The following CHI3L2 variants were observed in gnomAD, a reference collection of about 807,000 sequenced individuals.
The protein encoded by CHI3L2 is chitinase-3-like protein 2.
A neutral mutation model predicts 47.3 loss-of-function variants in CHI3L2; 47 were observed. The ratio of observed to expected loss-of-function variants is 0.99; its 90% confidence interval spans 0.79 to 1.27. The LOEUF (loss-of-function observed/expected upper bound fraction) is 1.27. Among genes scored for constraint, CHI3L2 ranks in the 50% most tolerant of loss-of-function variants. The pLI is 0.00. For synonymous variants in CHI3L2, 198 were observed against 169.9 expected, an observed-to-expected ratio of 1.17 and a Z score of -1.28; for missense variants, 497 against 462.1, an observed-to-expected ratio of 1.08 and a Z score of -0.69.
At chr1:111,227,909 G>C (rs58006689) in intron 1 of CHI3L2, 140 bp downstream of exon 1, 1 of 818,750 alleles carries the variant, frequency 1.2e-6, no homozygotes, top group Non-Finnish European at 2.0e-6. Context: ...TCAAGCCAAT[G>C]CAACTGTTGT....
intron 7 of CHI3L2, 88 bp downstream of exon 7, chr1:111,236,241 A>G: frequency 7.0e-7 from 1 of 1,422,618 alleles, no homozygotes; most frequent in Non-Finnish European, 9.6e-7. Flanking sequence ...TTCTGTCTTG[A>G]ACTGAGGAAG....
At chr1:111,232,950 C>T (rs1470581316) in intron 4 of CHI3L2, among the ~76,000 whole-genome samples, 1 of 152,160 alleles carries the variant, frequency 6.6e-6, no homozygotes, top group African/African-American at 2.4e-5. Flanking sequence ...AGATGAGATA[C>T]ATGCAGGAAT....
At chr1:111,242,033 T>A (rs1389236371) in intron 9 of CHI3L2, among the ~76,000 whole-genome samples, 194 bp from the exon 10 acceptor site, 1 of 152,156 alleles carries the variant, frequency 6.6e-6, no homozygotes, top group Non-Finnish European at 1.5e-5. Context: ...CAAGTCAGAA[T>A]GAGATGTAGC....
rs374967581 is a variant in CHI3L2, at chr1:111,238,788, A to G, written c.774A>G (p.Pro258=). 9 of 1,614,026 alleles carry G rather than the reference A, an allele frequency of 5.6e-6. No homozygotes were observed. In the African/African-American group the frequency reaches 1.2e-4, roughly 22 times the overall value. Residue 258 remains proline (P), a synonymous_variant, in exon 8 of 11, where the codon CCA becomes CCG. Coordinates refer to ENST00000369748, the MANE Select transcript of CHI3L2 (RefSeq NM_004000.3). ...AVGYWIHKGM[P]SEKVVMGIPT... Reference sequence around the variant, plus strand: ...GGTACTGGATACATAAGGGAATGCCATCAGAGAAGGTGGTCATGGGCATCC... The same window carrying G: ...GGTACTGGATACATAAGGGAATGCCGTCAGAGAAGGTGGTCATGGGCATCC...
chr1:111,232,516 G>A (rs989846257), intron 4 of CHI3L2, among the ~76,000 whole-genome samples: 10 of 152,116 alleles, frequency 6.6e-5, no homozygotes, highest in African/African-American at 9.7e-5. Flanking sequence ...TCTGTATGCC[G>A]CAGTTTTCTT....
chr1:111,228,406 TCTCAAGCCA>T (rs1411020038), intron 1 of CHI3L2, among the ~76,000 whole-genome samples: 1 of 152,192 alleles, frequency 6.6e-6, no homozygotes, highest in Non-Finnish European at 1.5e-5. Context: ...TGTCTTACCC[TCTCAAGCCA>T]TGAAGCCCCC....
At chr1:111,229,732 G>A (rs924986635) in intron 1 of CHI3L2, 120 bp from the exon 2 acceptor site, 17 of 1,415,930 alleles carry the variant, frequency 1.2e-5, no homozygotes, top group Non-Finnish European at 1.6e-5. Context: ...TGGCTGGGGA[G>A]CCCAGATGAA....
intron 8 of CHI3L2, 78 bp from the exon 9 acceptor site, chr1:111,241,249 C>T (rs1244364706): frequency 1.2e-6 from 1 of 813,436 alleles, no homozygotes; most frequent in African/African-American, 1.7e-5. Flanking sequence ...TCCCTAGTGG[C>T]TCACCTGCCC....
intron 1 of CHI3L2, among the ~76,000 whole-genome samples, chr1:111,229,414 G>A (rs1056429945): frequency 1.3e-4 from 20 of 152,094 alleles, no homozygotes; most frequent in African/African-American, 4.8e-4. Flanking sequence ...CGGGCGCGGT[G>A]GCTCACGCCT....
intron 7 of CHI3L2, among the ~76,000 whole-genome samples, chr1:111,237,609 T>C (rs1659922142): frequency 6.6e-6 from 1 of 152,212 alleles, no homozygotes; most frequent in African/African-American, 2.4e-5. Flanking sequence ...ATCAGTTATC[T>C]TTAAGGATAA....
chr1:111,237,355 G>A (rs746879670), intron 7 of CHI3L2, among the ~76,000 whole-genome samples: 1 of 152,246 alleles, frequency 6.6e-6, no homozygotes, highest in East Asian at 1.9e-4. Context: ...GATGGAGTCA[G>A]TTAGGTCAGA....
intron 8 of CHI3L2, 94 bp from the exon 9 acceptor site, chr1:111,241,233 C>G (rs767209921): frequency 2.6e-6 from 2 of 778,410 alleles, no homozygotes; most frequent in Non-Finnish European, 4.8e-6. Context: ...TGATATTTTC[C>G]CCAAGTCCCT....
rs770961252 is a variant in CHI3L2 at position 111,229,859 on chromosome 1, G to T, written c.48G>T (p.Val16=). The T allele has an allele frequency of 3.7e-5, 60 of 1,613,710 alleles. No homozygotes were observed. Among genetic ancestry groups the T allele is most frequent in the Non-Finnish European group, 5.0e-5 (59 of 1,179,920 alleles). Residue 16 remains valine (V), a synonymous_variant, in exon 2 of 11, where the codon GTG becomes GTT. Coordinates refer to ENST00000369748, the MANE Select transcript of CHI3L2 (RefSeq NM_004000.3). The part of the protein sequence containing the change: ...MDQKSLWAGV[V]VLLLLQGGSA... ...TCCACCCATCTATTGCAGGTGTAGT[G>T]GTCTTGCTGCTTCTCCAGGGAGGTA... is the stretch of plus-strand genomic sequence containing the variant.
intron 1 of CHI3L2, among the ~76,000 whole-genome samples, chr1:111,228,013 C>T (rs1246511645): frequency 1.3e-5 from 2 of 152,138 alleles, no homozygotes; most frequent in Non-Finnish European, 2.9e-5. Context: ...GTGCAGAGGT[C>T]CTTCTTGTCC....
chr1:111,240,033 G>A (rs1367741706), intron 8 of CHI3L2, among the ~76,000 whole-genome samples: 1 of 152,112 alleles, frequency 6.6e-6, no homozygotes, highest in Non-Finnish European at 1.5e-5. Context: ...ATGGTGTAGA[G>A]TGACATGAGA....
chr1:111,241,275 A>G, intron 8 of CHI3L2, 52 bp from the exon 9 acceptor site: 1 of 1,002,294 alleles, frequency 1.0e-6, no homozygotes, highest in Non-Finnish European at 1.6e-6. Flanking sequence ...ACCCCAACCA[A>G]GTTTCAAGAA....
intron 8 of CHI3L2, among the ~76,000 whole-genome samples, chr1:111,240,210 A>T (rs1432192604): frequency 6.6e-6 from 1 of 152,200 alleles, no homozygotes; most frequent in African/African-American, 2.4e-5. Context: ...TGAACATGCC[A>T]TCGGCCCATG....
At chr1:111,241,239 T>C (rs1660044648) in intron 8 of CHI3L2, 88 bp from the exon 9 acceptor site, 3 of 785,342 alleles carry the variant, frequency 3.8e-6, no homozygotes, top group Non-Finnish European at 7.0e-6. Flanking sequence ...TTTCCCCAAG[T>C]CCCTAGTGGC....
At position 111,231,188 on chromosome 1, in the gene CHI3L2, G is replaced by C. The variant is rs141383486; in HGVS notation, c.273-50G>C. ...TAAGAACTCTGTTCTTTAGACAAAG[G>C]CTTCCCTGGCAGCCAGAAAATAAAT... On this transcript the variant is annotated intron_variant, in intron 3 of 10. Coordinates refer to ENST00000369748, the MANE Select transcript of CHI3L2 (RefSeq NM_004000.3). 4.8e-4 allele frequency: 699 copies of C among 1,468,236 alleles called. 2 individuals carry two copies. In the African/African-American group the frequency reaches 8.6e-3, roughly 18 times the overall value. 91.0% of individuals were successfully genotyped at this position (1,468,236 alleles called of 1,614,324 possible).
Sources: gnomAD v4.1 joint callset for allele counts (sites outside exome capture counted in the v4.1 genomes callset) on GRCh38, gnomAD v4.1.1 for gene constraint, MANE v1.5 for transcripts, NCBI Gene and HGNC (gene_info 2026-07-23, HGNC 2026-07-21) for gene names.